The following CFAP299 variants were observed in gnomAD, a reference collection of about 807,000 sequenced individuals.
CFAP299 encodes cilia and flagella associated protein 299.
CFAP299 carries 21 observed loss-of-function variants against 27.0 expected under a neutral mutation model. The observed-to-expected ratio is 0.78, with a 90% CI of 0.55 to 1.12. The LOEUF (loss-of-function observed/expected upper bound fraction) is 1.12. Ranked by LOEUF, CFAP299 falls within the 50% of genes most tolerant of loss-of-function variation. The probability of loss-of-function intolerance (pLI) is 0.00; values close to 1 mark genes in which losing one functional copy is unlikely to be tolerated. For missense variants in CFAP299, 310 were observed against 276.6 expected (o/e 1.12, Z -0.86); for synonymous variants, 104 against 98.1 (o/e 1.06, Z -0.36).
At chr4:80,755,064 A>C (rs1028858878) in intron 3 of CFAP299, among the ~76,000 whole-genome samples, 52 of 152,140 alleles carry the variant, frequency 3.4e-4, no homozygotes, top group Admixed American at 1.9e-3. Context: ...GTTCAGTCTG[A>C]GGTTTTTCTA....
rs115525256 is a variant in CFAP299 at position 80,745,531 on chromosome 4, T to C, written c.334-124462T>C. On this transcript the variant is annotated intron_variant, in intron 3 of 5. Transcript: ENST00000358105. ...AAAAACAAATTTCAGAGTAGTTTTT[T>C]TATATTTAAATAAACTTTTTATTTT... Among the ~76,000 whole-genome samples, 949 of 152,198 alleles carry C rather than the reference T, an allele frequency of 6.2e-3. 6 individuals carry two copies. The highest frequency in any genetic ancestry group is 0.022 in the African/African-American group (895 of 41,562).
chr4:80,955,579 T>C (rs1738026026), intron 5 of CFAP299, among the ~76,000 whole-genome samples: 1 of 152,204 alleles, frequency 6.6e-6, no homozygotes, highest in Admixed American at 6.5e-5. Context: ...AATGGTTAAA[T>C]AAATTATGAT....
At chr4:80,516,614 C>T (rs901479779) in intron 2 of CFAP299, among the ~76,000 whole-genome samples, 7 of 152,086 alleles carry the variant, frequency 4.6e-5, no homozygotes, top group Non-Finnish European at 8.8e-5. Flanking sequence ...TGGTGCTAAA[C>T]CATTCATGAG....
At chr4:80,816,463 A>G (rs1429307129) in intron 3 of CFAP299, among the ~76,000 whole-genome samples, 4 of 152,100 alleles carry the variant, frequency 2.6e-5, no homozygotes. Flanking sequence ...AAACCAAGAA[A>G]CCTTCTGGAT....
At chr4:80,619,898 C>T (rs1738486094) in intron 3 of CFAP299, among the ~76,000 whole-genome samples, 1 of 151,804 alleles carries the variant, frequency 6.6e-6, no homozygotes, top group Admixed American at 6.6e-5. Context: ...TTTATTTTCC[C>T]CTGTGAAAAT....
chr4:80,391,005 GTACACACA>G (rs1725446628), intron 2 of CFAP299, among the ~76,000 whole-genome samples: 4 of 60,766 alleles, frequency 6.6e-5, no homozygotes, highest in South Asian at 5.6e-4. Context: ...ATATATGTAT[GTACACACA>G]TGTATATATG....
intron 1 of CFAP299, among the ~76,000 whole-genome samples, chr4:80,350,838 G>A (rs1722979627): frequency 6.6e-6 from 1 of 152,014 alleles, no homozygotes; most frequent in Non-Finnish European, 1.5e-5. Flanking sequence ...TGCTTGCGGG[G>A]CTGAAAACCT....
rs201978886 is a variant in CFAP299, at chr4:80,762,326, A to G, written c.334-107667A>G. On this transcript the variant is annotated intron_variant, in intron 3 of 5. Transcript: ENST00000358105. ...AATTTGACCTTGTGGATAAAATTGCAAGAAAGAAAGATACTAGAAATAAAT... is the reference window on the plus strand; with the variant it reads ...AATTTGACCTTGTGGATAAAATTGCGAGAAAGAAAGATACTAGAAATAAAT... 2.0e-5 allele frequency among the ~76,000 whole-genome samples: 3 copies of G among 152,206 alleles called. No homozygotes were observed. The East Asian group carries it at 5.8e-4, about 29-fold the overall frequency.
At chr4:80,363,013 T>A in intron 2 of CFAP299, 129 bp downstream of exon 2, 1 of 1,036,604 alleles carries the variant, frequency 9.6e-7, no homozygotes. Context: ...ATCCTAAGCA[T>A]TTGTTCTGCA....
At chr4:80,504,603 C>A (rs1295977460) in intron 2 of CFAP299, among the ~76,000 whole-genome samples, 6 of 144,468 alleles carry the variant, frequency 4.2e-5, no homozygotes, top group Admixed American at 7.0e-5. Flanking sequence ...ACTGGAGAGG[C>A]AACACGTTAT....
intron 2 of CFAP299, among the ~76,000 whole-genome samples, chr4:80,464,209 C>A (rs543445121): frequency 1.3e-5 from 2 of 152,250 alleles, no homozygotes; most frequent in East Asian, 3.9e-4. Context: ...CTTAACATCA[C>A]TGTACCGCCA....
intron 3 of CFAP299, among the ~76,000 whole-genome samples, chr4:80,767,569 A>T (rs1442323204): frequency 1.3e-5 from 2 of 152,198 alleles, no homozygotes; most frequent in African/African-American, 2.4e-5. Context: ...AGATCGCCCC[A>T]CTGCACTCCA....
At chr4:80,432,691 C>A (rs1019927145) in intron 2 of CFAP299, among the ~76,000 whole-genome samples, 3 of 151,780 alleles carry the variant, frequency 2.0e-5, no homozygotes, top group Non-Finnish European at 4.4e-5. Flanking sequence ...CACCACCACG[C>A]CTGGCTAATT....
chr4:80,788,637 A>G (rs910578369), intron 3 of CFAP299, among the ~76,000 whole-genome samples: 1 of 151,970 alleles, frequency 6.6e-6, no homozygotes, highest in Non-Finnish European at 1.5e-5. Flanking sequence ...TGTAAATGGT[A>G]TCTTACTAGA....
chr4:80,798,919 T>C (rs1350316626), intron 3 of CFAP299, among the ~76,000 whole-genome samples: 1 of 151,388 alleles, frequency 6.6e-6, no homozygotes, highest in Admixed American at 6.7e-5. Context: ...CTCCATACTA[T>C]TGGAAGTAGA....
At chr4:80,937,534 G>T (rs1335980961) in intron 4 of CFAP299, among the ~76,000 whole-genome samples, 1 of 151,562 alleles carries the variant, frequency 6.6e-6, no homozygotes, top group African/African-American at 2.4e-5. Flanking sequence ...ACCCAGGGTG[G>T]TCTCTCAAAT....
intron 3 of CFAP299, among the ~76,000 whole-genome samples, chr4:80,819,095 G>T (rs1729567173): frequency 6.6e-6 from 1 of 152,022 alleles, no homozygotes; most frequent in Non-Finnish European, 1.5e-5. Flanking sequence ...ATATTAAATA[G>T]ATTTAATGTG....
At chr4:80,920,406 A>T (rs561273129) in intron 4 of CFAP299, among the ~76,000 whole-genome samples, 12 of 152,250 alleles carry the variant, frequency 7.9e-5, no homozygotes, top group Non-Finnish European at 1.5e-4. Flanking sequence ...CTGCTTCATT[A>T]TACTTCACTG....
chr4:80,903,343 A>ATT (rs1735022083), intron 4 of CFAP299, among the ~76,000 whole-genome samples: 1 of 152,146 alleles, frequency 6.6e-6, no homozygotes, highest in Non-Finnish European at 1.5e-5. Context: ...GGAAAGGTTT[A>ATT]CATCTATTTA....
Sources: allele counts gnomAD v4.1 joint callset (sites outside exome capture counted in the v4.1 genomes callset), GRCh38; gene constraint gnomAD v4.1.1; transcripts MANE v1.5; gene names NCBI Gene and HGNC (gene_info 2026-07-23, HGNC 2026-07-21).